The following CRISP2 variants were observed in gnomAD, a reference collection of about 807,000 sequenced individuals.
CRISP2 encodes cysteine rich secretory protein 2, also known as cysteine-rich secretory protein 2.
In CRISP2, 29 loss-of-function variants were observed where a neutral mutation model predicts 31.7. That is an observed-to-expected ratio of 0.92 (90% CI 0.68 to 1.25). The LOEUF (loss-of-function observed/expected upper bound fraction) is 1.25. Among genes scored for constraint, CRISP2 ranks in the 50% most tolerant of loss-of-function variants. CRISP2 has a pLI of 0.00. For synonymous variants in CRISP2, 111 were observed against 101.4 expected, an observed-to-expected ratio of 1.09 and a Z score of -0.57; for missense variants, 318 against 286.5, an observed-to-expected ratio of 1.11 and a Z score of -0.79.
chr6:49,677,056 C>T, the CRISP2 span, among the ~76,000 whole-genome samples: 34 of 152,022 alleles, frequency 2.2e-4, no homozygotes, highest in African/African-American at 5.6e-4. Context: ...AGGAAGAGGA[C>T]GAAAGGGCAA....
At chr6:49,679,742 A>G in the CRISP2 span, among the ~76,000 whole-genome samples, 3 of 151,556 alleles carry the variant, frequency 2.0e-5, no homozygotes, top group Non-Finnish European at 2.9e-5. Flanking sequence ...GTATTACTCT[A>G]TCACCTAGAC....
downstream of CRISP2, among the ~76,000 whole-genome samples, chr6:49,690,239 T>G (rs1251349437): frequency 6.6e-6 from 1 of 152,116 alleles, no homozygotes; most frequent in Non-Finnish European, 1.5e-5. Flanking sequence ...TACACCACAG[T>G]GTGCATGCAC....
intron 9 of CRISP2, 110 bp from the exon 10 acceptor site, chr6:49,693,010 C>T (rs73737231): frequency 0.026 from 27,703 of 1,057,218 alleles, 553 homozygotes; most frequent in African/African-American, 0.086. Context: ...AAGTTAGCAT[C>T]GCTTACACTA....
intron 9 of CRISP2, among the ~76,000 whole-genome samples, chr6:49,693,464 G>T (rs1764234003): frequency 6.6e-6 from 1 of 152,052 alleles, no homozygotes; most frequent in African/African-American, 2.4e-5. Context: ...CTTTATGGGT[G>T]GATAAAAGTG....
intron 4 of CRISP2, among the ~76,000 whole-genome samples, chr6:49,704,332 C>A (rs981139367): frequency 2.6e-5 from 4 of 151,940 alleles, no homozygotes; most frequent in African/African-American, 9.7e-5. Context: ...TAATAATTAA[C>A]CTTCTGAATT....
At chr6:49,689,126 C>A (rs1158338680), downstream of CRISP2, among the ~76,000 whole-genome samples, 1 of 152,106 alleles carries the variant, frequency 6.6e-6, no homozygotes, top group Non-Finnish European at 1.5e-5. Context: ...TCCCTGGACT[C>A]CCAAAGTGCT....
intron 4 of CRISP2, among the ~76,000 whole-genome samples, chr6:49,705,348 C>G (rs994100607): frequency 6.6e-6 from 1 of 152,216 alleles, no homozygotes; most frequent in African/African-American, 2.4e-5. Context: ...GCCAATCTCA[C>G]CCCTGCTGTG....
intron 9 of CRISP2, 143 bp downstream of exon 9, chr6:49,695,693 A>T: frequency 1.6e-6 from 1 of 621,018 alleles, no homozygotes; most frequent in Non-Finnish European, 2.8e-6. Context: ...TGTTTGTTTA[A>T]GCATACTTTG....
At chr6:49,712,146 G>C (rs1351916128) in intron 2 of CRISP2, among the ~76,000 whole-genome samples, 1 of 152,146 alleles carries the variant, frequency 6.6e-6, no homozygotes, top group Non-Finnish European at 1.5e-5. Flanking sequence ...GCTGACTTTA[G>C]GAAAATGCTC....
intron 4 of CRISP2, among the ~76,000 whole-genome samples, chr6:49,707,003 C>T (rs913553948): frequency 6.6e-6 from 1 of 151,928 alleles, no homozygotes; most frequent in Admixed American, 6.6e-5. Context: ...TTTCTCTCGA[C>T]CTAAAAAAAT....
chr6:49,697,979 A>C (rs1765057875), intron 7 of CRISP2, 22 bp from the exon 8 acceptor site: 1 of 1,526,290 alleles, frequency 6.6e-7, no homozygotes, highest in African/African-American at 1.4e-5. Flanking sequence ...CAATGGAATA[A>C]ATATATAAAA....
chr6:49,689,138 G>A (rs1379943224), downstream of CRISP2, among the ~76,000 whole-genome samples: 1 of 152,076 alleles, frequency 6.6e-6, no homozygotes, highest in Non-Finnish European at 1.5e-5. Context: ...CAAAGTGCTG[G>A]GATTACAGCT....
At chr6:49,694,413 G>T (rs1266317553) in intron 9 of CRISP2, among the ~76,000 whole-genome samples, 4 of 152,142 alleles carry the variant, frequency 2.6e-5, no homozygotes, top group Non-Finnish European at 5.9e-5. Flanking sequence ...CCTTTTTGGT[G>T]CTATGGTGGG....
chr6:49,708,501 A>T (rs1353138666), intron 4 of CRISP2, among the ~76,000 whole-genome samples: 1 of 152,162 alleles, frequency 6.6e-6, no homozygotes, highest in Non-Finnish European at 1.5e-5. Context: ...AGAAGGGAAG[A>T]TAATGTAAAG....
At chr6:49,708,982 C>T in intron 4 of CRISP2, 149 bp downstream of exon 4, 1 of 662,624 alleles carries the variant, frequency 1.5e-6, no homozygotes, top group Non-Finnish European at 2.7e-6. Flanking sequence ...GGCCTTTCAT[C>T]TCAATAATTG....
chr6:49,682,072 A>G, the CRISP2 span, among the ~76,000 whole-genome samples: 5 of 152,204 alleles, frequency 3.3e-5, no homozygotes, highest in African/African-American at 1.2e-4. Context: ...AAAGTAATAA[A>G]AAATAAAAGT....
intron 9 of CRISP2, among the ~76,000 whole-genome samples, chr6:49,693,778 C>A (rs1764288320): frequency 6.6e-6 from 1 of 152,028 alleles, no homozygotes; most frequent in African/African-American, 2.4e-5. Flanking sequence ...TTCAGGATTT[C>A]TGTTTTTCTA....
chr6:49,695,782 A>C, intron 9 of CRISP2, 54 bp downstream of exon 9: 1 of 1,289,216 alleles, frequency 7.8e-7, no homozygotes, highest in Non-Finnish European at 1.1e-6. Context: ...ATATAAAGAA[A>C]AGATAATATC....
intron 5 of CRISP2, among the ~76,000 whole-genome samples, chr6:49,700,436 T>C (rs2127404550): frequency 6.6e-6 from 1 of 152,296 alleles, no homozygotes; most frequent in Non-Finnish European, 1.5e-5. Flanking sequence ...TGCCTGAATA[T>C]TTGACTTCCA....
Sources: allele counts gnomAD v4.1 joint callset (sites outside exome capture counted in the v4.1 genomes callset), GRCh38; gene constraint gnomAD v4.1.1; transcripts MANE v1.5; gene names NCBI Gene and HGNC (gene_info 2026-07-23, HGNC 2026-07-21).